The following UNC79 variants were observed in gnomAD, a reference collection of about 807,000 sequenced individuals.
UNC79 encodes protein unc-79 homolog.
In UNC79, 37 loss-of-function variants were observed where a neutral mutation model predicts 283.1. The observed-to-expected ratio is 0.13, with a 90% CI of 0.10 to 0.17. UNC79 has a LOEUF of 0.17. Among genes scored for constraint, UNC79 ranks in the 10% least tolerant of loss-of-function variants. The pLI is 1.00. For synonymous variants in UNC79, 1,107 were observed against 1,200.2 expected (o/e 0.92, Z 1.61); for missense variants, 2,272 against 3,211.1 (o/e 0.71, Z 7.07).
chr14:93,637,552 T>TGTTTTGTGTG (rs2068621085), intron 32 of UNC79, among the ~76,000 whole-genome samples: 1 of 152,152 alleles, frequency 6.6e-6, no homozygotes, highest in African/African-American at 2.4e-5. Flanking sequence ...ATATATATGT[T>TGTTTTGTGTG]CAAGCCATTC....
intron 1 of UNC79, chr14:93,347,888 C>A: frequency 5.2e-6 from 3 of 572,722 alleles, no homozygotes; most frequent in East Asian, 2.8e-5. Flanking sequence ...CGATTTTCAG[C>A]ATTTTAGATT....
intron 1 of UNC79, among the ~76,000 whole-genome samples, chr14:93,448,567 G>A (rs893181578): frequency 7.2e-5 from 11 of 152,092 alleles, no homozygotes; most frequent in Non-Finnish European, 1.3e-4. Flanking sequence ...TTCTTCTTAT[G>A]TTGGGTCATT....
chr14:93,694,116 G>A (rs1395781135), intron 46 of UNC79, among the ~76,000 whole-genome samples: 2 of 152,148 alleles, frequency 1.3e-5, no homozygotes, highest in Non-Finnish European at 2.9e-5. Context: ...AGTTGAATGA[G>A]GGAGGCATGA....
chr14:93,363,870 C>T (rs2054274156), intron 1 of UNC79, among the ~76,000 whole-genome samples: 1 of 152,066 alleles, frequency 6.6e-6, no homozygotes, highest in Non-Finnish European at 1.5e-5. Context: ...AGGCGCCTGC[C>T]ACCACACCCA....
rs2055429307 is a variant in UNC79 at position 93,415,311 on chromosome 14, TG to T, written c.-350-52358del. ...TTTGTCTTTGGTTCTGTTTATATGC[TG>T]GATTACATGTATTGATTTGTGTATA... is the stretch of plus-strand genomic sequence containing the variant. On this transcript the variant is annotated intron_variant, in intron 1 of 49. Transcript: ENST00000256339. Among the ~76,000 whole-genome samples the T allele has an allele frequency of 2.6e-5, 4 of 152,376 alleles. No homozygotes were observed. The East Asian group carries it at 7.7e-4, about 29-fold the overall frequency.
intron 1 of UNC79, among the ~76,000 whole-genome samples, chr14:93,338,474 T>TA (rs2053629510): frequency 6.6e-6 from 1 of 151,982 alleles, no homozygotes; most frequent in African/African-American, 2.4e-5. Context: ...GACTAACACA[T>TA]ACACAGTGGG....
At chr14:93,481,022 A>T (rs976460773) in intron 4 of UNC79, among the ~76,000 whole-genome samples, 1 of 152,124 alleles carries the variant, frequency 6.6e-6, no homozygotes, top group African/African-American at 2.4e-5. Context: ...AAGTGGACCT[A>T]ATGAGGTATT....
chr14:93,495,033 G>C (rs1199571819), intron 5 of UNC79, among the ~76,000 whole-genome samples: 4 of 152,108 alleles, frequency 2.6e-5, no homozygotes, highest in African/African-American at 9.7e-5. Flanking sequence ...GAGGGAGAAA[G>C]TATGTCTCAG....
intron 1 of UNC79, among the ~76,000 whole-genome samples, chr14:93,376,394 T>A (rs1393160705): frequency 6.6e-6 from 1 of 152,136 alleles, no homozygotes; most frequent in Non-Finnish European, 1.5e-5. Flanking sequence ...CATTATTTAC[T>A]AATGCGTTCC....
At chr14:93,443,865 T>C (rs960425638) in intron 1 of UNC79, among the ~76,000 whole-genome samples, 2 of 152,224 alleles carry the variant, frequency 1.3e-5, no homozygotes, top group African/African-American at 4.8e-5. Context: ...CACCAGTTGA[T>C]AGAAATTTGG....
chr14:93,564,468 G>A (rs184263451), intron 14 of UNC79, among the ~76,000 whole-genome samples: 19 of 152,290 alleles, frequency 1.2e-4, no homozygotes, highest in Non-Finnish European at 2.4e-4. Flanking sequence ...TTGAGCTTTG[G>A]ATGGGGATAC....
At chr14:93,648,274 C>T (rs2140285002) in intron 35 of UNC79, among the ~76,000 whole-genome samples, 1 of 152,184 alleles carries the variant, frequency 6.6e-6, no homozygotes, top group Non-Finnish European at 1.5e-5. Flanking sequence ...TGTTCTTACA[C>T]AATAAAATAA....
At chr14:93,657,279 C>T (rs1357339729) in intron 38 of UNC79, among the ~76,000 whole-genome samples, 3 of 152,146 alleles carry the variant, frequency 2.0e-5, no homozygotes, top group South Asian at 2.1e-4. Flanking sequence ...TCCTAGGACC[C>T]GAGAACCAAT....
chr14:93,537,097 G>A (rs1417005516), intron 11 of UNC79, among the ~76,000 whole-genome samples: 3 of 152,060 alleles, frequency 2.0e-5, no homozygotes, highest in Admixed American at 6.6e-5. Context: ...AGAGTCTAAC[G>A]CCCCCTTGGG....
intron 1 of UNC79, among the ~76,000 whole-genome samples, chr14:93,350,740 TTG>T (rs1157776491): frequency 6.6e-6 from 1 of 152,196 alleles, no homozygotes; most frequent in African/African-American, 2.4e-5. Context: ...TCAACATTTG[TTG>T]TGTCTTGTTG....
intron 7 of UNC79, among the ~76,000 whole-genome samples, chr14:93,520,406 C>T (rs1007717683): frequency 4.6e-5 from 7 of 151,440 alleles, no homozygotes; most frequent in Non-Finnish European, 8.9e-5. Flanking sequence ...TTTATCTTGC[C>T]TAGGATTCAT....
chr14:93,673,547 A>G (rs1005144746), intron 41 of UNC79, 92 bp downstream of exon 44: 1 of 982,934 alleles, frequency 1.0e-6, no homozygotes, highest in Non-Finnish European at 1.5e-6. Flanking sequence ...ATAGAACTAA[A>G]TATCTTTGCT....
At chr14:93,479,809 T>A (rs1278610974) in intron 4 of UNC79, among the ~76,000 whole-genome samples, 2 of 152,130 alleles carry the variant, frequency 1.3e-5, no homozygotes, top group African/African-American at 4.8e-5. Context: ...TTAAAAAAAT[T>A]TTTTTGTAGA....
At chr14:93,339,680 T>C (rs555308133) in intron 1 of UNC79, among the ~76,000 whole-genome samples, 91 of 152,370 alleles carry the variant, frequency 6.0e-4, no homozygotes, top group African/African-American at 2.0e-3. Flanking sequence ...TCTGCCCAAA[T>C]CACAGACTTT....
Sources: gnomAD v4.1 joint callset for allele counts (sites outside exome capture counted in the v4.1 genomes callset) on GRCh38, gnomAD v4.1.1 for gene constraint, MANE v1.5 for transcripts, NCBI Gene and HGNC (gene_info 2026-07-23, HGNC 2026-07-21) for gene names.